The following ZFHX2 variants were observed in gnomAD, a reference collection of about 807,000 sequenced individuals.
The protein encoded by ZFHX2 is zinc finger homeobox protein 2.
In ZFHX2, 75 loss-of-function variants were observed where a neutral mutation model predicts 164.8. That is an observed-to-expected ratio of 0.46 (90% confidence interval 0.38 to 0.55). The LOEUF is 0.55. Among genes scored for constraint, ZFHX2 ranks in the 20% least tolerant of loss-of-function variants. The probability of loss-of-function intolerance (pLI) is 0.00; values close to 1 mark genes in which losing one functional copy is unlikely to be tolerated. For synonymous variants in ZFHX2, 1,217 were observed against 1,351.4 expected, an observed-to-expected ratio of 0.90 and a Z score of 2.18; for missense variants, 2,933 against 3,308.0, an observed-to-expected ratio of 0.89 and a Z score of 2.78.
At chr14:23,528,265 G>T (rs557829574) in intron 6 of ZFHX2, among the ~76,000 whole-genome samples, 58 of 152,320 alleles carry the variant, frequency 3.8e-4, no homozygotes, top group Non-Finnish European at 5.4e-4. Context: ...AGCAGACCCA[G>T]CCTCCAGCCA....
Position 23,526,225 on chromosome 14 carries a change from G to A in ZFHX2, c.3717C>T (p.Thr1239=). The A allele has an allele frequency of 1.3e-6, 2 of 1,536,352 alleles. No individual in the cohort carries two copies. Among genetic ancestry groups the A allele is most frequent in the Non-Finnish European group, 1.7e-6 (2 of 1,146,912 alleles). The part of the protein sequence containing the change: ...PARGEAGAPP[T]TTAATDKPFK... ...AGGGCTTGTCTGTGGCAGCAGTGGT[G>A]GTGGGTGGGGCACCGGCCTCTCCCC... is the stretch of plus-strand genomic sequence containing the variant. Residue 1239 remains threonine, a synonymous_variant, in exon 9 of 10, where the codon ACC becomes ACT. Coordinates refer to ENST00000419474, the MANE Select transcript of ZFHX2 (RefSeq NM_033400.3).
chr14:23,531,678 C>T lies in ZFHX2; in HGVS notation c.2603G>A (p.Gly868Glu), dbSNP rs1227038016. The T allele has an allele frequency of 2.8e-6, 4 of 1,417,240 alleles. No individual in the cohort carries two copies. The highest frequency in any genetic ancestry group is 5.1e-5 in the Admixed American group (2 of 39,324). 87.8% of individuals were successfully genotyped at this position (1,417,240 alleles called of 1,614,324 possible). A position where few individuals can be genotyped will look rare whatever the true frequency, so the allele number is the denominator to read the frequency against. The change falls in exon 4 of 10, where the codon GGG becomes GAG. Residue 868 changes from glycine (G) to glutamate (E), a missense_variant. Gly to Glu is a moderately conservative substitution (Grantham distance 98, BLOSUM62 -2). Transcript: ENST00000419474. ...MEGAEAGAEL[G>E]LYHCLLCAWE... ...CGCACACAACAGGCAGTGGTATAGC[C>T]CCAGCTCTGCCCCTGCCTCCGCTCC...
chr14:23,552,372 C>T (rs1256556578), upstream of ZFHX2, among the ~76,000 whole-genome samples: 2 of 151,194 alleles, frequency 1.3e-5, no homozygotes, highest in African/African-American at 4.9e-5. Context: ...CGGCTCACTG[C>T]AACCTCCACC....
Position 23,524,721 on chromosome 14 carries a change from C to T in ZFHX2, c.5221G>A (p.Gly1741Arg). 6.5e-7 allele frequency: 1 copy of T among 1,536,368 alleles called. No individual in the cohort carries two copies. Among genetic ancestry groups the T allele is most frequent in the Non-Finnish European group, 8.7e-7 (1 of 1,146,950 alleles). ...GCCTCTGCTTGGCTCAGCTCCTCCC[C>T]ATCTGGAGGCTCTGGTAATGGGCCC... ...PEGPLPEPPDGEELSQAEATK... is the reference protein window; with the variant it reads ...PEGPLPEPPDREELSQAEATK... The change falls in exon 9 of 10, where the codon GGG (glycine) becomes AGG (arginine). Residue 1741 changes from glycine to arginine, a missense_variant. Gly to Arg is a moderately radical substitution (Grantham distance 125). Coordinates refer to ENST00000419474, the MANE Select transcript of ZFHX2 (RefSeq NM_033400.3). This position sits in a 1 kb window ranked among gnomAD's most constrained non-coding sequence, Gnocchi z 5.6.
chr14:23,552,585 C>T (rs1184372160), upstream of ZFHX2, among the ~76,000 whole-genome samples: 1 of 151,762 alleles, frequency 6.6e-6, no homozygotes, highest in Admixed American at 6.6e-5. Flanking sequence ...ACCACCACCG[C>T]GCCCAGCCCG....
At chr14:23,529,907 G>A (rs1879304102) in intron 5 of ZFHX2, 139 bp from the exon 6 acceptor site, 3 of 1,004,758 alleles carry the variant, frequency 3.0e-6, no homozygotes, top group Admixed American at 4.2e-5. Flanking sequence ...GGCAAGGGCT[G>A]ACTCCGGGTC....
chr14:23,554,095 C>A (rs376836831), upstream of ZFHX2, among the ~76,000 whole-genome samples: 3 of 146,288 alleles, frequency 2.1e-5, no homozygotes, highest in Non-Finnish European at 4.5e-5. Flanking sequence ...GAGTAGCTTG[C>A]GGAAGGCCAA....
rs763040724 is a variant in ZFHX2 at position 23,526,627 on chromosome 14, G to A, written c.3315C>T (p.Pro1105=). Residue 1105 remains proline (P), a synonymous_variant, in exon 9 of 10, where the codon CCC becomes CCT. Coordinates refer to ENST00000419474, the MANE Select transcript of ZFHX2 (RefSeq NM_033400.3). ...TGTCTGGGACCTCAACTGAGGCCAG[G>A]GGAGGCTCAGGAAGAGGATCTGGAC... The part of the protein sequence containing the change: ...EASPDPLPEP[P]LASVEVPDKP... 20 of 1,535,822 alleles carry A rather than the reference G, an allele frequency of 1.3e-5. No individual in the cohort carries two copies. Among genetic ancestry groups the A allele is most frequent in the Non-Finnish European group, 1.7e-5 (20 of 1,146,856 alleles).
At chr14:23,527,850 G>T in intron 6 of ZFHX2, 46 bp from the exon 7 acceptor site, 1 of 1,515,734 alleles carries the variant, frequency 6.6e-7, no homozygotes, top group Non-Finnish European at 8.8e-7. Flanking sequence ...GGGAAGGATG[G>T]GACCCACCAT....
rs192235741 is a variant in ZFHX2 at position 23,530,031 on chromosome 14, A to G, written c.2875+89T>C. The G allele has an allele frequency of 3.1e-5, 40 of 1,301,084 alleles. 1 individual carries two copies. The Admixed American group carries it at 7.7e-4, about 25-fold the overall frequency. 80.6% of individuals were successfully genotyped at this position (1,301,084 alleles called of 1,614,324 possible). ...CTTTAATCAGTTTTGCTCCTTGAGC[A>G]CAGACATTGCTGGGCTCCTGGATTA... On this transcript the variant is annotated intron_variant, in intron 5 of 9. Transcript: ENST00000419474.
upstream of ZFHX2, among the ~76,000 whole-genome samples, chr14:23,554,038 CAAAAAAAAAAAAA>C (rs61363455): frequency 8.3e-5 from 3 of 36,062 alleles, no homozygotes; most frequent in South Asian, 1.4e-3. Context: ...GACTCTGTCT[CAAAAAAAAAAAAA>C]AAAAAAAAAA....
intron 1 of ZFHX2, among the ~76,000 whole-genome samples, chr14:23,537,343 TCGTATTAGCAGATCTCTAGTGATTAAA>T (rs1352011852): frequency 4.6e-5 from 7 of 151,950 alleles, no homozygotes; most frequent in African/African-American, 1.5e-4. Context: ...TCTCTAGCTC[TCGTATTAGCAGATCTCTAGTGATTAAA>T]CTGGTAGTGC....
chr14:23,555,689 C>T (rs947309316), upstream of ZFHX2: 4 of 150,866 alleles, frequency 2.7e-5, no homozygotes, highest in African/African-American at 4.9e-5. Flanking sequence ...TCCCTCCCCC[C>T]ACCCCAACCC....
In ZFHX2 at chr14:23,522,022, T is replaced by C. The variant is rs1157670294; in HGVS notation, c.7659A>G (p.Arg2553=). 4 of 1,536,392 alleles carry C rather than the reference T, an allele frequency of 2.6e-6. No individual in the cohort carries two copies. Among genetic ancestry groups the C allele is most frequent in the Non-Finnish European group, 1.7e-6 (2 of 1,146,910 alleles). Residue 2553 remains arginine (R), a synonymous_variant, in exon 10 of 10, where the codon AGA becomes AGG. Transcript: ENST00000419474. ...TTGGGTTGGAGTCCGTGTGAGGTAA[T>C]CTTGCTTCCTCTTTGGCAAAAGCCA... ...AAVAFAKEEA[R]LPHTDSNPKT...
At chr14:23,541,867 C>G (rs1314368679) in intron 1 of ZFHX2, among the ~76,000 whole-genome samples, 2 of 152,086 alleles carry the variant, frequency 1.3e-5, no homozygotes, top group African/African-American at 4.8e-5. Flanking sequence ...AGAAAACAAA[C>G]AGTACTTTGA....
Position 23,524,701 on chromosome 14 carries a change from T to C in ZFHX2, c.5241A>G (p.Ala1747=). The part of the protein sequence containing the change: ...EPPDGEELSQ[A]EATKAGGKEP... Reference sequence around the variant, plus strand: ...CTTTGCCTCCTGCCTTTGTTGCCTCTGCTTGGCTCAGCTCCTCCCCATCTG... The same window carrying C: ...CTTTGCCTCCTGCCTTTGTTGCCTCCGCTTGGCTCAGCTCCTCCCCATCTG... The change falls in exon 9 of 10, where the codon GCA becomes GCG. Residue 1747 remains alanine, a synonymous_variant. Coordinates refer to ENST00000419474, the MANE Select transcript of ZFHX2 (RefSeq NM_033400.3). The surrounding 1 kb of genome is among the most constrained non-coding windows in gnomAD (Gnocchi z 5.6). The C allele has an allele frequency of 6.5e-7, 1 of 1,536,324 alleles. No individual in the cohort carries two copies. The highest frequency in any genetic ancestry group is 8.7e-7 in the Non-Finnish European group (1 of 1,146,930).
At chr14:23,543,186 G>A (rs1057468240) in intron 1 of ZFHX2, 4 of 152,224 alleles carry the variant, frequency 2.6e-5, no homozygotes, top group Non-Finnish European at 4.4e-5. Flanking sequence ...CCATGGGCCA[G>A]GCACCGTGCT....
chr14:23,525,896 G>A lies in ZFHX2; in HGVS notation c.4046C>T (p.Pro1349Leu), dbSNP rs1222531148. ...CTTAAGCAGTGATTCGGGCACCAGAGGGAAGGGGGGCAGGACTGGTGGGGT... is the reference window on the plus strand; with the variant it reads ...CTTAAGCAGTGATTCGGGCACCAGAAGGAAGGGGGGCAGGACTGGTGGGGT... ...LFTPPVLPPF[P>L]LVPESLLKLQ... is the part of the protein sequence containing the mutation. The change falls in exon 9 of 10, where the codon CCT becomes CTT. Residue 1349 changes from proline to leucine, a missense_variant. Transcript: ENST00000419474. The surrounding 1 kb of genome is among the most constrained non-coding windows in gnomAD (Gnocchi z 5.9). 1.4e-6 allele frequency: 2 copies of A among 1,460,820 alleles called. No homozygotes were observed. The highest frequency in any genetic ancestry group is 1.8e-6 in the Non-Finnish European group (2 of 1,111,048). 90.5% of individuals were successfully genotyped at this position (1,460,820 alleles called of 1,614,324 possible).
In ZFHX2 at chr14:23,535,234, C is replaced by G. The variant is rs1056155297; in HGVS notation, c.92G>C (p.Ser31Thr). ...TTTGGTGACAGGATCAGAGGGGGTG[C>G]TGGAGGAGAAGGTGTCCGAAGGCAG... Reference protein sequence around the residue: ...PSLPSDTFSSSTPSDPVTKDP... With the variant: ...PSLPSDTFSSTTPSDPVTKDP... Residue 31 changes from serine to threonine, a missense_variant, in exon 2 of 10, where the codon AGC (serine) becomes ACC (threonine). Ser to Thr is a moderately conservative substitution (Grantham distance 58, BLOSUM62 1). Transcript: ENST00000419474. This position sits in a 1 kb window ranked among gnomAD's most constrained non-coding sequence, Gnocchi z 4.5. 17 of 1,520,918 alleles carry G rather than the reference C, an allele frequency of 1.1e-5. No individual in the cohort carries two copies. Among genetic ancestry groups the G allele is most frequent in the Non-Finnish European group, 1.4e-5 (16 of 1,135,302 alleles). 94.2% of individuals were successfully genotyped at this position (1,520,918 alleles called of 1,614,324 possible).
Sources: allele counts gnomAD v4.1 joint callset (sites outside exome capture counted in the v4.1 genomes callset), GRCh38; gene constraint gnomAD v4.1.1; non-coding constraint Gnocchi (gnomAD v3.1); transcripts MANE v1.5; gene names NCBI Gene and HGNC (gene_info 2026-07-23, HGNC 2026-07-21).